The following TBC1D23 variants were observed in gnomAD, a reference collection of about 807,000 sequenced individuals.
The protein encoded by TBC1D23 is TBC1 domain family member 23.
A neutral mutation model predicts 91.4 loss-of-function variants in TBC1D23; 55 were observed. The observed-to-expected ratio is 0.60, with a 90% CI of 0.48 to 0.75. The LOEUF is 0.75. Among genes scored for constraint, TBC1D23 ranks in the 30% least tolerant of loss-of-function variants. TBC1D23 has a pLI of 0.00. For missense variants in TBC1D23, 725 were observed against 836.1 expected, an observed-to-expected ratio of 0.87 and a Z score of 1.64; for synonymous variants, 289 against 281.0, an observed-to-expected ratio of 1.03 and a Z score of -0.28.
At chr3:100,321,439 G>A (rs1705856679) in intron 18 of TBC1D23, among the ~76,000 whole-genome samples, 1 of 152,120 alleles carries the variant, frequency 6.6e-6, no homozygotes, top group Non-Finnish European at 1.5e-5. Flanking sequence ...TGGCCCAAGA[G>A]CTGTGGACCA....
intron 1 of TBC1D23, among the ~76,000 whole-genome samples, chr3:100,278,034 C>G (rs143570629): frequency 1.3e-5 from 2 of 152,252 alleles, no homozygotes; most frequent in East Asian, 3.9e-4. Flanking sequence ...GAGTATGATC[C>G]TAAGTGATTA....
chr3:100,295,364 T>C lies in TBC1D23; in HGVS notation c.772+16T>C, dbSNP rs1011802493. On this transcript the variant is annotated intron_variant, in intron 7 of 18. Coordinates refer to ENST00000394144, the MANE Select transcript of TBC1D23 (RefSeq NM_001199198.3). ...GAAGTTATCAGTAAGTATCATTTAA[T>C]GTAGTGAAAACATTTCAGGTCTCTT... is the stretch of plus-strand genomic sequence containing the variant. The C allele has an allele frequency of 4.4e-6, 7 of 1,593,104 alleles. No homozygotes were observed. Among genetic ancestry groups the C allele is most frequent in the Non-Finnish European group, 6.0e-6 (7 of 1,169,136 alleles).
At chr3:100,273,641 A>T (rs950253976) in intron 1 of TBC1D23, among the ~76,000 whole-genome samples, 1 of 152,238 alleles carries the variant, frequency 6.6e-6, no homozygotes, top group Non-Finnish European at 1.5e-5. Flanking sequence ...TAAAGTAACC[A>T]AAACAGCAGG....
At chr3:100,266,295 A>G (rs2067557284) in intron 1 of TBC1D23, among the ~76,000 whole-genome samples, 2 of 151,166 alleles carry the variant, frequency 1.3e-5, no homozygotes, top group Admixed American at 1.3e-4. Flanking sequence ...TTTGAGACGG[A>G]GTCTCATTCT....
At chr3:100,279,813 A>T (rs893911069) in intron 2 of TBC1D23, 53 bp downstream of exon 2, 3 of 1,179,470 alleles carry the variant, frequency 2.5e-6, no homozygotes, top group Non-Finnish European at 3.6e-6. Context: ...TAATATTTTT[A>T]AAAGTTTGTT....
chr3:100,304,396 A>G (rs992055230), intron 11 of TBC1D23, among the ~76,000 whole-genome samples: 2 of 151,930 alleles, frequency 1.3e-5, no homozygotes, highest in African/African-American at 4.8e-5. Context: ...TATATTACTT[A>G]GATCCATTAT....
In TBC1D23 at chr3:100,324,225, A is replaced by G. The variant is rs907467052; in HGVS notation, c.*557A>G. ...GAAGATTCCTGCCAACTCAAAATAC[A>G]GTACAGCTAGTAAAATGTTGAAACA... On this transcript the variant is annotated 3_prime_UTR_variant, in exon 19 of 19. Coordinates refer to ENST00000394144, the MANE Select transcript of TBC1D23 (RefSeq NM_001199198.3). 2 of 152,236 alleles carry G rather than the reference A, an allele frequency of 1.3e-5. No homozygotes were observed. Among genetic ancestry groups the G allele is most frequent in the Non-Finnish European group, 2.9e-5 (2 of 68,018 alleles). The allele number at this position is 152,236 out of a possible 1,614,324, so 9.4% of individuals were successfully genotyped here. A position where few individuals can be genotyped will look rare whatever the true frequency, so the allele number is the denominator to read the frequency against.
rs199585129 is a variant in TBC1D23 at position 100,281,825 on chromosome 3, C to G, written c.249C>G (p.His83Gln). 4.8e-5 allele frequency: 77 copies of G among 1,607,320 alleles called. No individual in the cohort carries two copies. The East Asian group carries it at 1.6e-3, about 34-fold the overall frequency. Reference sequence around the variant, plus strand: ...ACTTGCCAGAACAGAACACTATTCACAAAGATTGCCTGCAGTTTATTGGTA... The same window carrying G: ...ACTTGCCAGAACAGAACACTATTCAGAAAGATTGCCTGCAGTTTATTGGTA... The part of the protein sequence containing the change: ...ILDLPEQNTI[H>Q]KDCLQFIDQL... The change falls in exon 3 of 19, where the codon CAC becomes CAG. Residue 83 changes from histidine to glutamine, a missense_variant. Coordinates refer to ENST00000394144, the MANE Select transcript of TBC1D23 (RefSeq NM_001199198.3).
chr3:100,302,394 A>AT (rs1240412492), intron 11 of TBC1D23, among the ~76,000 whole-genome samples, 157 bp downstream of exon 11: 1 of 151,988 alleles, frequency 6.6e-6, no homozygotes, highest in Non-Finnish European at 1.5e-5. Context: ...TGCTTATATG[A>AT]TTTTTTTATA....
chr3:100,283,777 T>C lies in TBC1D23; in HGVS notation c.442T>C (p.Cys148Arg), dbSNP rs778650535. Residue 148 changes from cysteine to arginine, a missense_variant, in exon 4 of 19, where the codon TGC becomes CGC. Coordinates refer to ENST00000394144, the MANE Select transcript of TBC1D23 (RefSeq NM_001199198.3). ...ACTGCCACGCAGCGATTTATACAAC[T>C]GCTTTTATGCCATAATGAATAAGTA... ...LQLPRSDLYNCFYAIMNKYIP... is the reference protein window; with the variant it reads ...LQLPRSDLYNRFYAIMNKYIP... The C allele has an allele frequency of 1.2e-6, 2 of 1,612,390 alleles. No individual in the cohort carries two copies. The highest frequency in any genetic ancestry group is 8.5e-7 in the Non-Finnish European group (1 of 1,178,440).
chr3:100,314,324 C>G (rs561308131), intron 15 of TBC1D23, among the ~76,000 whole-genome samples: 73 of 152,150 alleles, frequency 4.8e-4, no homozygotes, highest in African/African-American at 1.7e-3. Context: ...TCTCGATCTC[C>G]TGACCTCGTG....
intron 5 of TBC1D23, among the ~76,000 whole-genome samples, chr3:100,293,552 T>G (rs907975428): frequency 3.3e-5 from 5 of 152,230 alleles, no homozygotes; most frequent in Non-Finnish European, 7.3e-5. Context: ...GTGGTAACTT[T>G]CGTTGAGCTA....
intron 12 of TBC1D23, 77 bp from the exon 13 acceptor site, chr3:100,306,360 T>A: frequency 1.3e-6 from 1 of 775,788 alleles, no homozygotes; most frequent in East Asian, 2.5e-5. Flanking sequence ...ACATGTTTAT[T>A]GTATTTCGTT....
Position 100,278,429 on chromosome 3 carries a change from A to G in TBC1D23, c.54-1220A>G, listed in dbSNP as rs187872933. ...GAGACGGAGTCTTGCTCTGTCACCC[A>G]GGCTGGGGTGCAGTAGCATAATCTT... On this transcript the variant is annotated intron_variant, in intron 1 of 18. Coordinates refer to ENST00000394144, the MANE Select transcript of TBC1D23 (RefSeq NM_001199198.3). Among the ~76,000 whole-genome samples the G allele has an allele frequency of 4.8e-3, 712 of 148,300 alleles. 4 individuals carry two copies. The highest frequency in any genetic ancestry group is 6.4e-3 in the Non-Finnish European group (432 of 67,486).
chr3:100,277,575 T>C (rs2067660271), intron 1 of TBC1D23, among the ~76,000 whole-genome samples: 1 of 152,200 alleles, frequency 6.6e-6, no homozygotes, highest in South Asian at 2.1e-4. Context: ...TTCTCTGGAA[T>C]AGTAGGGGAT....
At chr3:100,295,535 C>A (rs1404673336) in intron 7 of TBC1D23, among the ~76,000 whole-genome samples, 187 bp downstream of exon 7, 1 of 152,162 alleles carries the variant, frequency 6.6e-6, no homozygotes, top group Non-Finnish European at 1.5e-5. Flanking sequence ...TTGCCATCTT[C>A]ATTCATTCCT....
chr3:100,315,154 CTTTTTTTT>C (rs397705981), intron 15 of TBC1D23, among the ~76,000 whole-genome samples: 1,253 of 73,844 alleles, frequency 0.017, 10 homozygotes, highest in African/African-American at 0.066. Flanking sequence ...GAGGCAGATT[CTTTTTTTT>C]TTTTTTTTTT....
chr3:100,262,092 C>T (rs1026119417), intron 1 of TBC1D23, among the ~76,000 whole-genome samples: 6 of 152,198 alleles, frequency 3.9e-5, no homozygotes, highest in African/African-American at 1.2e-4. Context: ...TTCAGCTCTC[C>T]ATTAGCAGAC....
At chr3:100,289,988 G>T (rs2067775823) in intron 4 of TBC1D23, among the ~76,000 whole-genome samples, 1 of 152,172 alleles carries the variant, frequency 6.6e-6, no homozygotes, top group African/African-American at 2.4e-5. Context: ...ACAACATTCA[G>T]ATCCAATTTT....
Sources: allele counts gnomAD v4.1 joint callset (sites outside exome capture counted in the v4.1 genomes callset), GRCh38; gene constraint gnomAD v4.1.1; transcripts MANE v1.5; gene names NCBI Gene and HGNC (gene_info 2026-07-23, HGNC 2026-07-21).